The following PIK3R6 variants were observed in gnomAD, a reference collection of about 807,000 sequenced individuals.
PIK3R6 encodes phosphoinositide 3-kinase regulatory subunit 6.
A neutral mutation model predicts 84.9 loss-of-function variants in PIK3R6; 91 were observed. The observed-to-expected ratio is 1.07, with a 90% CI of 0.90 to 1.28. The LOEUF (loss-of-function observed/expected upper bound fraction) is 1.28. Ranked by LOEUF, PIK3R6 falls within the 50% of genes most tolerant of loss-of-function variation. The pLI is 0.00. For synonymous variants in PIK3R6, 416 were observed against 411.4 expected, an observed-to-expected ratio of 1.01 and a Z score of -0.13; for missense variants, 996 against 985.1, an observed-to-expected ratio of 1.01 and a Z score of -0.15.
rs2087119587 is a variant in PIK3R6 at position 8,803,924 on chromosome 17, C to T, written c.2108+117G>A. Reference sequence around the variant, plus strand: ...CTCACCAAGGTTACCTGCCTGGCCACAGGATCTACCTCCGATGAGGTGCCT... The same window carrying T: ...CTCACCAAGGTTACCTGCCTGGCCATAGGATCTACCTCCGATGAGGTGCCT... On this transcript the variant is annotated intron_variant, in intron 19 of 19. Transcript: ENST00000619866. The surrounding 1 kb of genome is among the most constrained non-coding windows in gnomAD (Gnocchi z 5.0). The T allele has an allele frequency of 1.1e-6, 1 of 879,716 alleles. No homozygotes were observed. Among genetic ancestry groups the T allele is most frequent in the East Asian group, 2.6e-5 (1 of 37,928 alleles). 54.5% of individuals were successfully genotyped at this position (879,716 alleles called of 1,614,324 possible).
At chr17:8,853,502 AT>A (rs1161892089) in intron 1 of PIK3R6, among the ~76,000 whole-genome samples, 1,859 of 141,068 alleles carry the variant, frequency 0.013, 42 homozygotes, top group African/African-American at 0.045. Context: ...AAAAAAAATA[AT>A]AATAATAATA....
intron 1 of PIK3R6, among the ~76,000 whole-genome samples, chr17:8,861,704 C>T (rs143150985): frequency 1.5e-3 from 227 of 152,260 alleles, no homozygotes; most frequent in African/African-American, 4.9e-3. Context: ...CCTTATTTTA[C>T]TTACTCATGG....
chr17:8,819,073 C>G lies in PIK3R6; in HGVS notation c.1995+10G>C, dbSNP rs368764864. 9.5e-6 allele frequency: 15 copies of G among 1,574,302 alleles called. No homozygotes were observed. The African/African-American group carries it at 1.8e-4, about 18-fold the overall frequency. On this transcript the variant is annotated intron_variant, in intron 18 of 19. Coordinates refer to ENST00000619866, the MANE Select transcript of PIK3R6 (RefSeq NM_001010855.4). ...GGCTGTCTCCCTTTCCCAGTCTACT[C>G]AGTACTTACAGAGAAGGACTTTCCC...
intron 18 of PIK3R6, among the ~76,000 whole-genome samples, chr17:8,818,178 A>G (rs968325875): frequency 6.6e-6 from 1 of 152,218 alleles, no homozygotes; most frequent in Admixed American, 6.5e-5. Context: ...CATACAGACT[A>G]AGCAGGTGGC....
intron 8 of PIK3R6, among the ~76,000 whole-genome samples, chr17:8,833,644 C>T (rs1400964542): frequency 2.7e-5 from 4 of 149,558 alleles, no homozygotes; most frequent in African/African-American, 4.9e-5. Flanking sequence ...TGGGTTCAAG[C>T]GATTCTCCTG....
intron 1 of PIK3R6, among the ~76,000 whole-genome samples, chr17:8,866,422 G>A (rs1319776945): frequency 6.6e-6 from 1 of 152,026 alleles, no homozygotes; most frequent in South Asian, 2.1e-4. Flanking sequence ...TGTGCCTGTA[G>A]TCCCAGCTAC....
chr17:8,804,178 G>C (rs567697537), intron 18 of PIK3R6, 25 bp from the exon 19 acceptor site: 1 of 1,589,832 alleles, frequency 6.3e-7, no homozygotes, highest in East Asian at 2.2e-5. Context: ...TCGCACGTGT[G>C]AGTGTTGCCT....
At position 8,810,986 on chromosome 17, in the gene PIK3R6, T is replaced by C. The variant is rs932826137; in HGVS notation, c.1996-6833A>G. ...TCTGCATGGGGGCTCTGACCCCACA[T>C]TTCCCTTCTGCACTGCCCTAGCAGA... On this transcript the variant is annotated intron_variant, in intron 18 of 19. Transcript: ENST00000619866. Among the ~76,000 whole-genome samples, 3 of 149,004 alleles carry C rather than the reference T, an allele frequency of 2.0e-5. No individual in the cohort carries two copies. The Admixed American group carries it at 2.0e-4, about 10-fold the overall frequency.
chr17:8,826,607 TC>T (rs2151223069), intron 13 of PIK3R6, among the ~76,000 whole-genome samples: 1 of 152,034 alleles, frequency 6.6e-6, no homozygotes, highest in East Asian at 1.9e-4. Context: ...GAGTGGAACA[TC>T]ACACACCGGG....
chr17:8,828,977 C>A lies in PIK3R6; in HGVS notation c.903G>T (p.Val301=), dbSNP rs1419226203. The change falls in exon 11 of 20, where the codon GTG becomes GTT. Residue 301 remains valine, a synonymous_variant. Coordinates refer to ENST00000619866, the MANE Select transcript of PIK3R6 (RefSeq NM_001010855.4). ...GCTGGGATCTTGGGCGGAGGAAGAG[C>A]ACCAGTTCCTTCCCTGGGGTGGGGG... ...TGEEQLWKEL[V]LFLRPRSQLR... The A allele has an allele frequency of 6.7e-7, 1 of 1,497,860 alleles. No homozygotes were observed. The highest frequency in any genetic ancestry group is 2.4e-5 in the East Asian group (1 of 41,818). 92.8% of individuals were successfully genotyped at this position (1,497,860 alleles called of 1,614,324 possible).
chr17:8,810,204 A>C (rs1234567986), intron 18 of PIK3R6, among the ~76,000 whole-genome samples: 1 of 147,968 alleles, frequency 6.8e-6, no homozygotes, highest in Non-Finnish European at 1.5e-5. Context: ...AGCAGGCAAA[A>C]AGAGAGCTTG....
Position 8,813,542 on chromosome 17 carries a change from CA to C in PIK3R6, c.1995+5540del, listed in dbSNP as rs542043356. 1.3e-3 allele frequency among the ~76,000 whole-genome samples: 195 copies of C among 152,242 alleles called. 1 individual carries two copies. The highest frequency in any genetic ancestry group is 2.5e-3 in the South Asian group (12 of 4,828). ...TAGCAAACCAAATTCAACAGTGAAT[CA>C]AAAAGATAATGCACTGCAATCAAGT... On this transcript the variant is annotated intron_variant, in intron 18 of 19. Coordinates refer to ENST00000619866, the MANE Select transcript of PIK3R6 (RefSeq NM_001010855.4).
At chr17:8,854,878 T>G (rs1214567396) in intron 1 of PIK3R6, among the ~76,000 whole-genome samples, 2 of 152,212 alleles carry the variant, frequency 1.3e-5, no homozygotes, top group African/African-American at 4.8e-5. Context: ...AACTTTGGTT[T>G]TATGACAGAT....
intron 9 of PIK3R6, among the ~76,000 whole-genome samples, chr17:8,830,773 CTG>C (rs1472550172): frequency 2.0e-5 from 3 of 152,234 alleles, no homozygotes; most frequent in Non-Finnish European, 4.4e-5. Context: ...ACCCACAACA[CTG>C]TGCTTATAAT....
chr17:8,838,243 C>T, intron 4 of PIK3R6: 1 of 430,682 alleles, frequency 2.3e-6, no homozygotes. Flanking sequence ...TTTAGGTGGC[C>T]CGAGGATAAT....
chr17:8,843,943 A>G (rs1425379302), intron 2 of PIK3R6, among the ~76,000 whole-genome samples: 1 of 152,210 alleles, frequency 6.6e-6, no homozygotes, highest in African/African-American at 2.4e-5. Flanking sequence ...TTGTCTAAAA[A>G]GGTGCAGAAG....
chr17:8,852,794 C>T lies in PIK3R6; in HGVS notation c.-91-2909G>A, dbSNP rs150624600. 3.7e-3 allele frequency among the ~76,000 whole-genome samples: 562 copies of T among 150,952 alleles called. 3 individuals are homozygous for T. Among genetic ancestry groups the T allele is most frequent in the African/African-American group, 0.013 (516 of 41,040 alleles). ...AAATTATGACAAAAGATAATGACAT[C>T]CAGTATTGGCAAGGATAGGATATGA... is the stretch of plus-strand genomic sequence containing the variant. On this transcript the variant is annotated intron_variant, in intron 1 of 19. Coordinates refer to ENST00000619866, the MANE Select transcript of PIK3R6 (RefSeq NM_001010855.4).
At chr17:8,805,311 C>A (rs1215827696) in intron 18 of PIK3R6, among the ~76,000 whole-genome samples, 1 of 152,142 alleles carries the variant, frequency 6.6e-6, no homozygotes, top group Non-Finnish European at 1.5e-5. Flanking sequence ...TGGAACAGAG[C>A]CCAAGACACT....
chr17:8,843,237 T>G (rs1294999525), intron 2 of PIK3R6, among the ~76,000 whole-genome samples: 3 of 152,208 alleles, frequency 2.0e-5, no homozygotes, highest in Non-Finnish European at 4.4e-5. Context: ...GGATGAGTTA[T>G]TAGAAAATTA....
Sources: gnomAD v4.1 joint callset for allele counts (sites outside exome capture counted in the v4.1 genomes callset) on GRCh38, gnomAD v4.1.1 for gene constraint, Gnocchi (gnomAD v3.1) non-coding constraint, MANE v1.5 for transcripts, NCBI Gene and HGNC (gene_info 2026-07-23, HGNC 2026-07-21) for gene names.